DAB1: variants seen among roughly 807,000 people sequenced by gnomAD.
The protein encoded by DAB1 is DAB adaptor protein 1, also known as disabled homolog 1.
Under a neutral mutation model 64.6 loss-of-function variants are expected in DAB1, and 15 were observed. That is an observed-to-expected ratio of 0.23 (90% CI 0.16 to 0.36). DAB1 has a LOEUF of 0.36. DAB1 is among the 10% of genes least tolerant of loss of function. DAB1 has a pLI of 1.00. For missense variants in DAB1, 596 were observed against 706.7 expected, an observed-to-expected ratio of 0.84 and a Z score of 1.78; for synonymous variants, 235 against 251.9, an observed-to-expected ratio of 0.93 and a Z score of 0.64.
chr1:57,316,560 T>C (rs1675226595), intron 1 of DAB1, among the ~76,000 whole-genome samples: 1 of 152,094 alleles, frequency 6.6e-6, no homozygotes, highest in African/African-American at 2.4e-5. Context: ...AGGGGGTCAG[T>C]CAGAGCTCAG....
chr1:57,048,440 C>T (rs1480571572), intron 9 of DAB1, among the ~76,000 whole-genome samples: 2 of 152,206 alleles, frequency 1.3e-5, no homozygotes, highest in Admixed American at 1.3e-4. Context: ...ATTTCATGTT[C>T]TTTCTGTAGT....
chr1:57,645,360 C>A (rs1300592977), intron 7 of DAB1, among the ~76,000 whole-genome samples: 1 of 152,114 alleles, frequency 6.6e-6, no homozygotes, highest in East Asian at 1.9e-4. Context: ...GACTGTTTAG[C>A]AGTGAGGTCA....
At chr1:58,450,524 GC>G (rs1198621532) in intron 3 of DAB1, among the ~76,000 whole-genome samples, 4 of 152,188 alleles carry the variant, frequency 2.6e-5, no homozygotes, top group African/African-American at 4.8e-5. Context: ...GGAGGCCGAG[GC>G]GGGCGGATCA....
chr1:57,505,234 A>G (rs1472918832), intron 7 of DAB1, among the ~76,000 whole-genome samples: 1 of 152,238 alleles, frequency 6.6e-6, no homozygotes, highest in East Asian at 1.9e-4. Context: ...TTCTAAAATA[A>G]AAAGTTTCTT....
intron 3 of DAB1, among the ~76,000 whole-genome samples, chr1:58,485,338 C>G (rs1645559825): frequency 1.4e-5 from 2 of 142,732 alleles, no homozygotes; most frequent in African/African-American, 5.2e-5. Context: ...TGTGCTCATG[C>G]TTTTTTGTAT....
chr1:57,874,120 A>T (rs1010787298), intron 1 of DAB1: 6 of 152,186 alleles, frequency 3.9e-5, no homozygotes, highest in Non-Finnish European at 8.8e-5. Flanking sequence ...GCTGTATGAT[A>T]TTAATGAACA....
intron 3 of DAB1, among the ~76,000 whole-genome samples, chr1:57,141,834 T>A (rs1470940388): frequency 6.6e-6 from 1 of 152,204 alleles, no homozygotes; most frequent in Non-Finnish European, 1.5e-5. Flanking sequence ...AGATCTAGTT[T>A]GGGAACCTCA....
intron 5 of DAB1, among the ~76,000 whole-genome samples, chr1:58,118,618 A>G (rs1652539863): frequency 7.4e-6 from 1 of 134,542 alleles, no homozygotes; most frequent in Non-Finnish European, 1.5e-5. Flanking sequence ...ACATATATAT[A>G]TATAAAATAC....
rs373756684 is a variant in DAB1, at chr1:57,553,473, A to AAGGAAGG, written n.625+96118_625+96119insCCTTCCT. Among the ~76,000 whole-genome samples the AAGGAAGG allele has an allele frequency of 3.0e-3, 76 of 25,650 alleles. 2 individuals carry two copies. Among genetic ancestry groups the AAGGAAGG allele is most frequent in the African/African-American group, 4.8e-3 (76 of 15,894 alleles). The allele number at this position is 25,650 out of a possible 152,430, so 16.8% of individuals were successfully genotyped here. On this transcript the variant is annotated intron_variant and non_coding_transcript_variant, in intron 7 of 20. Transcript: ENST00000485760. ...GAAAGAAAGAAAGAGAAAGGGAAAG[A>AAGGAAGG]AAGGAAGGAAGGAAGGAAGGAAGGA...
intron 5 of DAB1, among the ~76,000 whole-genome samples, chr1:58,009,419 A>C (rs975210768): frequency 1.3e-5 from 2 of 152,182 alleles, no homozygotes; most frequent in Non-Finnish European, 2.9e-5. Context: ...AACTGAAATA[A>C]GGGGGCACTG....
At chr1:57,606,551 AATATATT>A (rs1250603889) in intron 7 of DAB1, among the ~76,000 whole-genome samples, 37 of 114,320 alleles carry the variant, frequency 3.2e-4, no homozygotes, top group Non-Finnish European at 5.4e-4. Context: ...TATATAATAT[AATATATT>A]ATATATTATA....
chr1:58,492,928 C>T lies in DAB1; in HGVS notation n.257+13132G>A, dbSNP rs569269913. Among the ~76,000 whole-genome samples the T allele has an allele frequency of 2.0e-5, 3 of 152,268 alleles. No homozygotes were observed. In the East Asian group the frequency reaches 5.8e-4, roughly 29 times the overall value. On this transcript the variant is annotated intron_variant and non_coding_transcript_variant, in intron 3 of 20. Transcript: ENST00000485760. ...CTAACTCATTTTATGAGGCCAGCAT[C>T]ATCCTGATACCAAAGCCTGGCAGAG...
intron 4 of DAB1, among the ~76,000 whole-genome samples, chr1:58,204,864 C>T (rs768513683): frequency 1.2e-4 from 19 of 152,210 alleles, no homozygotes; most frequent in Non-Finnish European, 2.5e-4. Flanking sequence ...GAACATAAGC[C>T]GTCACGATGT....
intron 7 of DAB1, among the ~76,000 whole-genome samples, chr1:57,627,669 A>G (rs568782339): frequency 2.1e-4 from 32 of 152,350 alleles, no homozygotes; most frequent in Admixed American, 4.6e-4. Context: ...TTGAAAATTG[A>G]AAAGGAGATC....
At chr1:57,550,581 G>A (rs932912628) in intron 7 of DAB1, among the ~76,000 whole-genome samples, 2 of 146,344 alleles carry the variant, frequency 1.4e-5, no homozygotes, top group African/African-American at 2.6e-5. Context: ...GCCTGCAATC[G>A]ATCTATCATC....
chr1:58,165,231 G>C (rs1655763482), intron 4 of DAB1, among the ~76,000 whole-genome samples: 1 of 152,164 alleles, frequency 6.6e-6, no homozygotes, highest in Non-Finnish European at 1.5e-5. Context: ...CCACTGAGGG[G>C]AAGTGAAAGG....
chr1:58,377,192 CT>C (rs1254524584), intron 3 of DAB1, among the ~76,000 whole-genome samples: 2 of 149,852 alleles, frequency 1.3e-5, no homozygotes, highest in African/African-American at 4.9e-5. Context: ...TAAAATTAAT[CT>C]TGTTATATGT....
At chr1:57,206,956 T>TTTCC (rs1665594778) in intron 2 of DAB1, among the ~76,000 whole-genome samples, 1 of 118,922 alleles carries the variant, frequency 8.4e-6, no homozygotes, top group East Asian at 2.5e-4. Context: ...TTTCTCTTTC[T>TTTCC]TTCCTTCCTT....
intron 2 of DAB1, among the ~76,000 whole-genome samples, chr1:58,512,915 GA>G (rs1433599397): frequency 3.9e-5 from 6 of 151,924 alleles, no homozygotes; most frequent in Admixed American, 2.0e-4. Context: ...CTAAAAAAGA[GA>G]AAAAAAGTAA....
Sources: allele counts gnomAD v4.1 joint callset (sites outside exome capture counted in the v4.1 genomes callset), GRCh38; gene constraint gnomAD v4.1.1; transcripts MANE v1.5; gene names NCBI Gene and HGNC (gene_info 2026-07-23, HGNC 2026-07-21).